NLRP1: variants seen among roughly 807,000 people sequenced by gnomAD.
NLRP1 encodes NACHT, LRR and PYD domains-containing protein 1.
NLRP1 carries 94 observed loss-of-function variants against 136.7 expected under a neutral mutation model. That is an observed-to-expected ratio of 0.69 (90% CI 0.58 to 0.82). The LOEUF is 0.82. Among genes scored for constraint, NLRP1 ranks in the 40% least tolerant of loss-of-function variants. The probability of loss-of-function intolerance (pLI) is 0.00; values close to 1 mark genes in which losing one functional copy is unlikely to be tolerated. For missense variants in NLRP1, 1,575 were observed against 1,802.7 expected (o/e 0.87, Z 2.29); for synonymous variants, 690 against 725.1 (o/e 0.95, Z 0.78).
At chr17:5,508,578 T>C (rs980381416) in intron 15 of NLRP1, among the ~76,000 whole-genome samples, 1 of 152,238 alleles carries the variant, frequency 6.6e-6, no homozygotes, top group African/African-American at 2.4e-5. Flanking sequence ...AGACGTGTAT[T>C]GCAGTACTGC....
intron 5 of NLRP1, among the ~76,000 whole-genome samples, chr17:5,542,338 C>T (rs1341368775): frequency 6.6e-6 from 1 of 152,208 alleles, no homozygotes; most frequent in African/African-American, 2.4e-5. Flanking sequence ...CTGTCCTCAT[C>T]TCTAATCTCT....
At chr17:5,502,030 C>T (rs555472639) in intron 15 of NLRP1, 1 of 640,226 alleles carries the variant, frequency 1.6e-6, no homozygotes, top group South Asian at 1.7e-5. Flanking sequence ...TGAACCAAGG[C>T]CAGGATGCTG....
At chr17:5,539,296 G>C in intron 7 of NLRP1, 119 bp downstream of exon 7, 1 of 875,046 alleles carries the variant, frequency 1.1e-6, no homozygotes, top group Non-Finnish European at 1.7e-6. Context: ...CACAGTGTAA[G>C]TGGTAGAGCT....
At chr17:5,563,002 G>A (rs1354793681) in intron 3 of NLRP1, among the ~76,000 whole-genome samples, 1 of 152,214 alleles carries the variant, frequency 6.6e-6, no homozygotes, top group African/African-American at 2.4e-5. Context: ...GGAGTGCTGA[G>A]CTGAGCCTTG....
chr17:5,514,875 T>G lies in NLRP1; in HGVS notation c.4301A>C (p.Gln1434Pro). 1 of 1,614,176 alleles carries G rather than the reference T, an allele frequency of 6.2e-7. No homozygotes were observed. Among genetic ancestry groups the G allele is most frequent in the Non-Finnish European group, 8.5e-7 (1 of 1,180,034 alleles). The change falls in exon 17 of 17, where the codon CAG becomes CCG. Residue 1434 changes from glutamine to proline, a missense_variant. Transcript: ENST00000572272. Reference sequence around the variant, plus strand: ...ATCTTTGCACTTCCGGTCCCAGGACTGGCTCAAGCTGAACAGCTTCCGCAT... The same window carrying G: ...ATCTTTGCACTTCCGGTCCCAGGACGGGCTCAAGCTGAACAGCTTCCGCAT... ...SQMRKLFSLSQSWDRKCKDGL... is the reference protein window; with the variant it reads ...SQMRKLFSLSPSWDRKCKDGL...
At chr17:5,522,625 T>C (rs988124069) in intron 12 of NLRP1, among the ~76,000 whole-genome samples, 12 of 152,218 alleles carry the variant, frequency 7.9e-5, no homozygotes, top group Non-Finnish European at 1.6e-4. Flanking sequence ...CTGGGGCCTT[T>C]GGAGGCTGTG....
Position 5,536,866 on chromosome 17 carries a change from A to G in NLRP1, c.2945T>C (p.Leu982Pro). The change falls in exon 8 of 17, where the codon CTC (leucine) becomes CCC (proline). Residue 982 changes from leucine (L) to proline (P), a missense_variant. Physicochemically the swap from Leu to Pro is moderately conservative, Grantham distance 98. Transcript: ENST00000572272. ...RALEQEKPQL[L>P]IFSRRKPSVM... ...CCCCCCTTACCGTCTGCTGAAGATGAGCAGCTGAGGTTTCTCCTGCTCCAG... is the reference window on the plus strand; with the variant it reads ...CCCCCCTTACCGTCTGCTGAAGATGGGCAGCTGAGGTTTCTCCTGCTCCAG... 6.2e-7 allele frequency: 1 copy of G among 1,612,552 alleles called. No individual in the cohort carries two copies. Among genetic ancestry groups the G allele is most frequent in the Non-Finnish European group, 8.5e-7 (1 of 1,178,718 alleles).
At chr17:5,532,748 C>A in intron 11 of NLRP1, 74 bp downstream of exon 11, 1 of 1,381,762 alleles carries the variant, frequency 7.2e-7, no homozygotes, top group Non-Finnish European at 9.7e-7. Flanking sequence ...GTGGCGCTGA[C>A]TGTCTGTGGG....
intron 12 of NLRP1, among the ~76,000 whole-genome samples, chr17:5,525,442 C>G (rs1402445460): frequency 1.3e-5 from 2 of 152,238 alleles, no homozygotes; most frequent in African/African-American, 4.8e-5. Flanking sequence ...CTCCTGCTGT[C>G]CAGGAGCCTG....
intron 6 of NLRP1, among the ~76,000 whole-genome samples, chr17:5,540,324 C>T (rs1251616090): frequency 6.6e-6 from 1 of 152,122 alleles, no homozygotes; most frequent in Non-Finnish European, 1.5e-5. Context: ...GCTGTGCTAC[C>T]ATTTATGCCA....
intron 11 of NLRP1, among the ~76,000 whole-genome samples, chr17:5,531,570 T>C (rs1597411250): frequency 6.6e-6 from 1 of 152,302 alleles, no homozygotes; most frequent in Non-Finnish European, 1.5e-5. Flanking sequence ...AACACTTTTA[T>C]AGAGATCAGA....
intron 2 of NLRP1, 141 bp downstream of exon 2, chr17:5,582,527 TCA>T: frequency 1.3e-6 from 1 of 758,298 alleles, no homozygotes; most frequent in East Asian, 2.7e-5. Flanking sequence ...GGCCTACCTC[TCA>T]CAGCCCATCC....
intron 7 of NLRP1, 84 bp downstream of exon 7, chr17:5,539,331 C>A: frequency 7.5e-7 from 1 of 1,338,798 alleles, no homozygotes; most frequent in Non-Finnish European, 1.0e-6. Flanking sequence ...GTTGGCTATG[C>A]ATTTATCAGT....
At chr17:5,509,550 C>G (rs1055802196), downstream of NLRP1, among the ~76,000 whole-genome samples, 2 of 152,198 alleles carry the variant, frequency 1.3e-5, no homozygotes, top group Non-Finnish European at 2.9e-5. Context: ...ATCAGAGTGC[C>G]TGGTGGAAGC....
chr17:5,540,950 C>T (rs1911792994), intron 6 of NLRP1, among the ~76,000 whole-genome samples: 1 of 152,182 alleles, frequency 6.6e-6, no homozygotes, highest in Admixed American at 6.5e-5. Flanking sequence ...CTGAAGGCAG[C>T]CCCCTGAGCG....
At position 5,530,669 on chromosome 17, in the gene NLRP1, G is replaced by C. The variant is rs781643980; in HGVS notation, c.3332C>G (p.Pro1111Arg). 3 of 1,614,062 alleles carry C rather than the reference G, an allele frequency of 1.9e-6. No homozygotes were observed. Among genetic ancestry groups the C allele is most frequent in the Non-Finnish European group, 2.5e-6 (3 of 1,180,036 alleles). The change falls in exon 12 of 17, where the codon CCC (proline) becomes CGC (arginine). Residue 1111 changes from proline to arginine, a missense_variant. Pro to Arg is a moderately radical substitution (Grantham distance 103). Transcript: ENST00000572272. ...HFPVAGSYRW[P>R]NTGLCFVMRE... ...CATCACAAAGCAGAGACCCGTGTTGGGCCAGCGGTAGGAGCCAGCTACAGG... is the reference window on the plus strand; with the variant it reads ...CATCACAAAGCAGAGACCCGTGTTGCGCCAGCGGTAGGAGCCAGCTACAGG...
At chr17:5,582,559 C>T in intron 2 of NLRP1, 111 bp downstream of exon 2, 1 of 1,050,000 alleles carries the variant, frequency 9.5e-7, no homozygotes, top group Non-Finnish European at 1.4e-6. Context: ...TATCCTTCCT[C>T]TGCTGTCCCC....
At position 5,542,296 on chromosome 17, in the gene NLRP1, C is replaced by T. The variant is rs373027994; in HGVS notation, c.2529-269G>A. ...AATTCACGGTCCTTTTCCTGGTCTACAGGGCTCTGGGGACTTGGATCCTCA... is the reference window on the plus strand; with the variant it reads ...AATTCACGGTCCTTTTCCTGGTCTATAGGGCTCTGGGGACTTGGATCCTCA... On this transcript the variant is annotated intron_variant, in intron 5 of 16. Coordinates refer to ENST00000572272, the MANE Select transcript of NLRP1 (RefSeq NM_033004.4). Among the ~76,000 whole-genome samples, 90 of 152,258 alleles carry T rather than the reference C, an allele frequency of 5.9e-4. No homozygotes were observed. The South Asian group carries it at 0.014, about 23-fold the overall frequency.
At chr17:5,579,683 C>G (rs1905386613) in intron 3 of NLRP1, among the ~76,000 whole-genome samples, 1 of 152,120 alleles carries the variant, frequency 6.6e-6, no homozygotes, top group African/African-American at 2.4e-5. Flanking sequence ...ATGGAATCAA[C>G]CATACTGCTA....
Sources: allele counts gnomAD v4.1 joint callset (sites outside exome capture counted in the v4.1 genomes callset), GRCh38; gene constraint gnomAD v4.1.1; transcripts MANE v1.5; gene names NCBI Gene and HGNC (gene_info 2026-07-23, HGNC 2026-07-21).